ANKRD22: variants seen among roughly 807,000 people sequenced by gnomAD.
The protein encoded by ANKRD22 is ankyrin repeat domain 22, also known as ankyrin repeat domain-containing protein 22.
ANKRD22 carries 24 observed loss-of-function variants against 25.7 expected under a neutral mutation model. That is an observed-to-expected ratio of 0.93 (90% CI 0.68 to 1.31). ANKRD22 has a LOEUF of 1.31. ANKRD22 is among the 50% of genes most tolerant of loss of function. The pLI, the probability that ANKRD22 is intolerant of heterozygous loss-of-function variation, is 0.00. For synonymous variants in ANKRD22, 84 were observed against 84.3 expected, an observed-to-expected ratio of 1.00 and a Z score of 0.02; for missense variants, 214 against 227.1, an observed-to-expected ratio of 0.94 and a Z score of 0.37.
chr10:88,834,711 G>A (rs1383833238), intron 1 of ANKRD22, among the ~76,000 whole-genome samples: 2 of 152,150 alleles, frequency 1.3e-5, no homozygotes, highest in Non-Finnish European at 2.9e-5. Context: ...GAGGTGGGTG[G>A]ATCACCTGAG....
rs1450132434 is a variant in ANKRD22 at position 88,825,001 on chromosome 10, T to TCA, written c.399+1036_399+1037insTG. ...TTTTCTTTTGCTCTCTCTCTCTCTC[T>TCA]CTCTCTCTCTCACACACACACACAC... On this transcript the variant is annotated intron_variant, in intron 4 of 5. Transcript: ENST00000371930. 3.6e-3 allele frequency among the ~76,000 whole-genome samples: 297 copies of TCA among 81,382 alleles called. 1 individual carries two copies. The highest frequency in any genetic ancestry group is 0.016 in the East Asian group (43 of 2,760). The allele number at this position is 81,382 out of a possible 152,430, so 53.4% of individuals were successfully genotyped here. A position where few individuals can be genotyped will look rare whatever the true frequency, so the allele number is the denominator to read the frequency against.
At chr10:88,842,384 A>G (rs1844010659) in intron 1 of ANKRD22, among the ~76,000 whole-genome samples, 1 of 152,144 alleles carries the variant, frequency 6.6e-6, no homozygotes, top group African/African-American at 2.4e-5. Flanking sequence ...ATCTAACTCC[A>G]GAACCAGTGT....
intron 4 of ANKRD22, among the ~76,000 whole-genome samples, chr10:88,823,747 G>T (rs1392524692): frequency 6.7e-6 from 1 of 149,770 alleles, no homozygotes; most frequent in Non-Finnish European, 1.5e-5. Context: ...AGAATGGCTC[G>T]AACCCGGGAG....
chr10:88,828,489 C>T, intron 3 of ANKRD22, 70 bp downstream of exon 3: 1 of 1,165,928 alleles, frequency 8.6e-7, no homozygotes, highest in South Asian at 1.4e-5. Context: ...TCTCACTGGC[C>T]TGGCAAGAGT....
chr10:88,850,662 T>C (rs1292850919), intron 1 of ANKRD22, among the ~76,000 whole-genome samples: 5 of 152,196 alleles, frequency 3.3e-5, no homozygotes, highest in Admixed American at 2.6e-4. Flanking sequence ...AAAAGCACTA[T>C]ATGTTTTGTC....
At chr10:88,831,683 G>A in intron 2 of ANKRD22, 152 bp downstream of exon 2, 1 of 652,064 alleles carries the variant, frequency 1.5e-6, no homozygotes, top group South Asian at 3.4e-5. Flanking sequence ...AAATGTCCTT[G>A]GTATGTGTCA....
intron 1 of ANKRD22, among the ~76,000 whole-genome samples, chr10:88,843,922 A>G (rs981044224): frequency 3.3e-5 from 5 of 152,184 alleles, no homozygotes; most frequent in Admixed American, 6.6e-5. Flanking sequence ...CTCTTCGGCA[A>G]CCTGCAAACT....
At chr10:88,825,059 A>G (rs965288404) in intron 4 of ANKRD22, among the ~76,000 whole-genome samples, 16 of 150,338 alleles carry the variant, frequency 1.1e-4, no homozygotes, top group African/African-American at 3.9e-4. Flanking sequence ...CTGCATTTAA[A>G]CATGATACCA....
In ANKRD22 at chr10:88,820,285, G is replaced by A. The variant is rs1224127047; in HGVS notation, c.*2656C>T. The A allele has an allele frequency of 2.6e-6, 4 of 1,551,998 alleles. No homozygotes were observed. In the South Asian group the frequency reaches 3.6e-5, roughly 14 times the overall value. ...ATATGACGGTCCCTACAGCAATGTG[G>A]ACAGGAGGTCAGGACTGGCTTTCAA... On this transcript the variant is annotated 3_prime_UTR_variant, in exon 6 of 6. Coordinates refer to ENST00000371930, the MANE Select transcript of ANKRD22 (RefSeq NM_144590.3).
Position 88,849,892 on chromosome 10 carries a change from C to T in ANKRD22, c.21+1695G>A, listed in dbSNP as rs536635277. 2.0e-5 allele frequency among the ~76,000 whole-genome samples: 3 copies of T among 152,166 alleles called. No individual in the cohort carries two copies. In the East Asian group the frequency reaches 5.8e-4, roughly 29 times the overall value. ...CTCTGGGATCCTCCCTCATTCTCTCCTTCTTTCTTAAAAATATATATTGCA... is the reference window on the plus strand; with the variant it reads ...CTCTGGGATCCTCCCTCATTCTCTCTTTCTTTCTTAAAAATATATATTGCA... On this transcript the variant is annotated intron_variant, in intron 1 of 5. Coordinates refer to ENST00000371930, the MANE Select transcript of ANKRD22 (RefSeq NM_144590.3).
Position 88,821,522 on chromosome 10 carries a change from G to T in ANKRD22, c.*1419C>A, listed in dbSNP as rs930625190. On this transcript the variant is annotated 3_prime_UTR_variant, in exon 6 of 6. Transcript: ENST00000371930. ...GTATACTGGTGTGTGAAATTCACTT[G>T]TGTGGGTTTTTTGTCCCCAAGGGTC... Among the ~76,000 whole-genome samples, 1 of 152,204 alleles carries T rather than the reference G, an allele frequency of 6.6e-6. No individual in the cohort carries two copies. The highest frequency in any genetic ancestry group is 2.4e-5 in the African/African-American group (1 of 41,440).
rs1844106332 is a variant in ANKRD22, at chr10:88,851,674, A to G, written c.-67T>C. On this transcript the variant is annotated 5_prime_UTR_variant, in exon 1 of 6. Coordinates refer to ENST00000371930, the MANE Select transcript of ANKRD22 (RefSeq NM_144590.3). ...AATCTTCTGGAGGTATTTCTGATGA[A>G]TATCAAAATCCTTCCTGGCTGAGAG... 1.9e-6 allele frequency: 3 copies of G among 1,578,158 alleles called. No homozygotes were observed. Among genetic ancestry groups the G allele is most frequent in the Non-Finnish European group, 2.6e-6 (3 of 1,148,414 alleles).
chr10:88,848,741 A>C (rs1326904543), intron 1 of ANKRD22, among the ~76,000 whole-genome samples: 2 of 152,180 alleles, frequency 1.3e-5, no homozygotes, highest in Non-Finnish European at 2.9e-5. Flanking sequence ...CAGGTCTAAA[A>C]TATAGGATTG....
chr10:88,827,107 T>C (rs1372896987), intron 3 of ANKRD22, among the ~76,000 whole-genome samples: 1 of 152,196 alleles, frequency 6.6e-6, no homozygotes, highest in African/African-American at 2.4e-5. Context: ...CAGCTGGGTA[T>C]AGCCCTGGAG....
intron 3 of ANKRD22, among the ~76,000 whole-genome samples, chr10:88,826,390 G>C (rs1393797748): frequency 6.6e-6 from 1 of 152,164 alleles, no homozygotes; most frequent in Non-Finnish European, 1.5e-5. Context: ...ATTCCACTGA[G>C]GATGGGGCCT....
In ANKRD22 at chr10:88,822,816, TA is replaced by T; in HGVS notation, c.*124del. 1 of 802,714 alleles carries T rather than the reference TA, an allele frequency of 1.2e-6. No homozygotes were observed. The highest frequency in any genetic ancestry group is 2.1e-6 in the Non-Finnish European group (1 of 483,678). 49.7% of individuals were successfully genotyped at this position (802,714 alleles called of 1,614,324 possible). On this transcript the variant is annotated 3_prime_UTR_variant, in exon 6 of 6. Coordinates refer to ENST00000371930, the MANE Select transcript of ANKRD22 (RefSeq NM_144590.3). ...AGCTCTTCCAAAACATTAACCATGG[TA>T]AGCATCATTATCCCCATAAAATGGT...
intron 2 of ANKRD22, among the ~76,000 whole-genome samples, chr10:88,830,056 T>A (rs1843890082): frequency 6.6e-6 from 1 of 152,228 alleles, no homozygotes; most frequent in African/African-American, 2.4e-5. Flanking sequence ...CCCAAAATGC[T>A]GGGATTCCAG....
chr10:88,835,934 AAACCCCTTTT>A (rs1042991702), intron 1 of ANKRD22, among the ~76,000 whole-genome samples: 76 of 152,316 alleles, frequency 5.0e-4, no homozygotes, highest in African/African-American at 1.7e-3. Flanking sequence ...AAGCTATCAT[AAACCCCTTTT>A]AACCCCTTAA....
At chr10:88,840,591 T>C (rs1843995113) in intron 1 of ANKRD22, among the ~76,000 whole-genome samples, 1 of 152,136 alleles carries the variant, frequency 6.6e-6, no homozygotes, top group South Asian at 2.1e-4. Context: ...GCCATCTCCA[T>C]GCTACAAGCT....
Sources: gnomAD v4.1 joint callset for allele counts (sites outside exome capture counted in the v4.1 genomes callset) on GRCh38, gnomAD v4.1.1 for gene constraint, MANE v1.5 for transcripts, NCBI Gene and HGNC (gene_info 2026-07-23, HGNC 2026-07-21) for gene names.